Variants in GRIP1 observed in about 807,000 individuals in gnomAD.
GRIP1 encodes glutamate receptor interacting protein 1, also known as glutamate receptor-interacting protein 1.
Under a neutral mutation model 129.9 loss-of-function variants are expected in GRIP1, and 45 were observed. The observed-to-expected ratio is 0.35, with a 90% confidence interval of 0.27 to 0.44. GRIP1 has a LOEUF of 0.44. GRIP1 is among the 20% of genes least tolerant of loss of function. GRIP1 has a pLI of 1.00. For synonymous variants in GRIP1, 530 were observed against 520.8 expected, an observed-to-expected ratio of 1.02 and a Z score of -0.24; for missense variants, 1,196 against 1,396.8, an observed-to-expected ratio of 0.86 and a Z score of 2.29.
intron 1 of GRIP1, among the ~76,000 whole-genome samples, chr12:66,750,056 A>C (rs1388524511): frequency 4.6e-5 from 7 of 152,156 alleles, no homozygotes; most frequent in Non-Finnish European, 8.8e-5. Flanking sequence ...AAGGCATTCC[A>C]ATGTGTATAT....
At chr12:66,928,896 C>G (rs1592355744) in intron 1 of GRIP1, among the ~76,000 whole-genome samples, 1 of 152,244 alleles carries the variant, frequency 6.6e-6, no homozygotes, top group East Asian at 1.9e-4. Context: ...ACTGGGACAC[C>G]ACTGTGTATC....
Position 66,531,244 on chromosome 12 carries a change from AAAAAAAAAATATATATATATATAT to A in GRIP1, c.419-1354_419-1331del, listed in dbSNP as rs1250641287. Among the ~76,000 whole-genome samples the A allele has an allele frequency of 3.9e-4, 22 of 56,248 alleles. 1 individual carries two copies. The highest frequency in any genetic ancestry group is 1.6e-3 in the African/African-American group (20 of 12,708). 36.9% of individuals were successfully genotyped at this position (56,248 alleles called of 152,430 possible). A position where few individuals can be genotyped will look rare whatever the true frequency, so the allele number is the denominator to read the frequency against. ...GAGTGAGACTCTGTCTCAAAAAAAA[AAAAAAAAAATATATATATATATAT>A]ATATATATATATATATATATATATA... On this transcript the variant is annotated intron_variant, in intron 4 of 24. Transcript: ENST00000359742.
intron 14 of GRIP1, among the ~76,000 whole-genome samples, chr12:66,428,453 A>G (rs1197413055): frequency 2.0e-5 from 3 of 152,162 alleles, no homozygotes; most frequent in African/African-American, 7.2e-5. Flanking sequence ...GTTCCTGCAA[A>G]CAATTCAGTC....
chr12:67,036,159 G>C (rs1247491438), intron 1 of GRIP1, among the ~76,000 whole-genome samples: 1 of 152,104 alleles, frequency 6.6e-6, no homozygotes, highest in Non-Finnish European at 1.5e-5. Flanking sequence ...TATATCCAGA[G>C]TCTTAAAATT....
intron 1 of GRIP1, among the ~76,000 whole-genome samples, chr12:66,887,562 T>C (rs1168359170): frequency 6.6e-6 from 1 of 152,222 alleles, no homozygotes; most frequent in Non-Finnish European, 1.5e-5. Flanking sequence ...GTGTTTTCTT[T>C]TCTAGAGGTC....
intron 23 of GRIP1, among the ~76,000 whole-genome samples, chr12:66,361,375 TA>T (rs1020841089): frequency 1.3e-5 from 2 of 152,120 alleles, no homozygotes; most frequent in Non-Finnish European, 2.9e-5. Context: ...GCTGTAAGTA[TA>T]AGCAAGCCAG....
At chr12:66,515,561 A>T in intron 7 of GRIP1, 58 bp downstream of exon 7, 1 of 1,474,550 alleles carries the variant, frequency 6.8e-7, no homozygotes, top group Non-Finnish European at 9.5e-7. Context: ...ATGGTTTATC[A>T]GGGACAGACA....
At chr12:66,682,378 G>A (rs183938954), upstream of GRIP1, among the ~76,000 whole-genome samples, 38 of 152,218 alleles carry the variant, frequency 2.5e-4, no homozygotes, top group African/African-American at 8.9e-4. Context: ...TGCATGGTTA[G>A]CCCATCCTGA....
intron 9 of GRIP1, 58 bp from the exon 10 acceptor site, chr12:66,456,400 A>T (rs2138245286): frequency 1.1e-6 from 1 of 907,800 alleles, no homozygotes; most frequent in Non-Finnish European, 1.5e-6. Flanking sequence ...ACAAAGAACC[A>T]AAAAAGAGGA....
intron 4 of GRIP1, among the ~76,000 whole-genome samples, chr12:66,533,657 A>G (rs2061519227): frequency 6.6e-6 from 1 of 151,982 alleles, no homozygotes. Context: ...AAACAAACAA[A>G]CAAAAATACA....
At chr12:66,648,383 G>A (rs1269265715) in intron 1 of GRIP1, among the ~76,000 whole-genome samples, 1 of 152,166 alleles carries the variant, frequency 6.6e-6, no homozygotes, top group Non-Finnish European at 1.5e-5. Flanking sequence ...AAATGATCAC[G>A]AGAATATGGC....
intron 1 of GRIP1, among the ~76,000 whole-genome samples, chr12:66,605,049 A>AGTTT (rs143902370): frequency 3.0e-3 from 223 of 74,962 alleles, no homozygotes; most frequent in African/African-American, 0.011. Context: ...TTCAGAAGTC[A>AGTTT]CTTATATATA....
At chr12:66,704,658 A>G (rs957739076) in intron 1 of GRIP1, among the ~76,000 whole-genome samples, 1 of 152,138 alleles carries the variant, frequency 6.6e-6, no homozygotes, top group African/African-American at 2.4e-5. Flanking sequence ...TTAACAGAGT[A>G]TCACTTTCCC....
intron 1 of GRIP1, among the ~76,000 whole-genome samples, chr12:66,622,857 T>C (rs1832616289): frequency 6.6e-6 from 1 of 152,180 alleles, no homozygotes; most frequent in Admixed American, 6.6e-5. Flanking sequence ...CTGTTCCTAT[T>C]TCCACCTACT....
chr12:66,942,447 A>G (rs978561982), intron 1 of GRIP1, among the ~76,000 whole-genome samples: 4 of 152,194 alleles, frequency 2.6e-5, no homozygotes, highest in African/African-American at 9.7e-5. Context: ...TCTCCCGTAC[A>G]TACAAATGAC....
intron 1 of GRIP1, among the ~76,000 whole-genome samples, chr12:66,952,417 C>T (rs757035371): frequency 5.3e-5 from 8 of 152,062 alleles, no homozygotes; most frequent in Admixed American, 3.9e-4. Flanking sequence ...TAAGTTTCTC[C>T]GTTATAAATG....
intron 1 of GRIP1, among the ~76,000 whole-genome samples, chr12:66,916,402 T>C (rs1433215720): frequency 6.6e-6 from 1 of 152,158 alleles, no homozygotes; most frequent in Non-Finnish European, 1.5e-5. Context: ...AGTTTATGCC[T>C]AATCAGGTTT....
At chr12:66,532,420 T>G (rs961969234) in intron 4 of GRIP1, among the ~76,000 whole-genome samples, 1 of 152,180 alleles carries the variant, frequency 6.6e-6, no homozygotes, top group Admixed American at 6.5e-5. Flanking sequence ...TGTCCCTTCT[T>G]TCTACATGTG....
chr12:66,437,747 G>T (rs543695533), intron 13 of GRIP1, among the ~76,000 whole-genome samples: 25 of 152,222 alleles, frequency 1.6e-4, no homozygotes, highest in Admixed American at 1.5e-3. Context: ...TAGTGAGTGG[G>T]TGCTGCTGAA....
Sources: allele counts gnomAD v4.1 joint callset (sites outside exome capture counted in the v4.1 genomes callset), GRCh38; gene constraint gnomAD v4.1.1; transcripts MANE v1.5; gene names NCBI Gene and HGNC (gene_info 2026-07-23, HGNC 2026-07-21).